The following KIAA1328 variants were observed in gnomAD, a reference collection of about 807,000 sequenced individuals.
The protein encoded by KIAA1328 is KIAA1328, also known as protein hinderin.
Under a neutral mutation model 68.1 loss-of-function variants are expected in KIAA1328, and 52 were observed. The ratio of observed to expected loss-of-function variants is 0.76; its 90% CI spans 0.61 to 0.96. The LOEUF (loss-of-function observed/expected upper bound fraction) is 0.96. KIAA1328 is among the 40% of genes least tolerant of loss of function. The probability of loss-of-function intolerance (pLI) is 0.00; values close to 1 mark genes in which losing one functional copy is unlikely to be tolerated. For missense variants in KIAA1328, 641 were observed against 677.6 expected (o/e 0.95, Z 0.60); for synonymous variants, 232 against 239.4 (o/e 0.97, Z 0.28).
chr18:37,151,753 C>T (rs918125876), intron 7 of KIAA1328, among the ~76,000 whole-genome samples: 1 of 152,200 alleles, frequency 6.6e-6, no homozygotes, highest in African/African-American at 2.4e-5. Context: ...TGATCCCTAC[C>T]TCACATCCTA....
intron 5 of KIAA1328, among the ~76,000 whole-genome samples, chr18:36,906,363 A>G (rs1445355437): frequency 1.3e-5 from 2 of 152,128 alleles, no homozygotes; most frequent in South Asian, 2.1e-4. Context: ...CTTCTCCCCA[A>G]GCCTCAGTCA....
At chr18:37,040,426 C>T (rs2055199804) in intron 6 of KIAA1328, among the ~76,000 whole-genome samples, 2 of 152,196 alleles carry the variant, frequency 1.3e-5, no homozygotes, top group Admixed American at 1.3e-4. Context: ...TTTATGGTCT[C>T]CTCTTTAATT....
At chr18:36,926,971 A>G (rs886582419) in intron 5 of KIAA1328, among the ~76,000 whole-genome samples, 29 of 152,334 alleles carry the variant, frequency 1.9e-4, no homozygotes, top group African/African-American at 6.5e-4. Flanking sequence ...AGCAACAGCG[A>G]CAATGGGGAG....
chr18:37,133,914 G>A (rs2058583543), intron 7 of KIAA1328, among the ~76,000 whole-genome samples: 1 of 151,912 alleles, frequency 6.6e-6, no homozygotes, highest in South Asian at 2.1e-4. Flanking sequence ...ATGCCATATT[G>A]TATTTTCCAA....
intron 7 of KIAA1328, among the ~76,000 whole-genome samples, chr18:37,102,629 A>G (rs886440081): frequency 6.6e-6 from 1 of 152,220 alleles, no homozygotes; most frequent in Admixed American, 6.5e-5. Context: ...TACCACACCA[A>G]ATGGGGAAAA....
At chr18:37,018,751 C>T (rs2054236499) in intron 6 of KIAA1328, among the ~76,000 whole-genome samples, 1 of 151,390 alleles carries the variant, frequency 6.6e-6, no homozygotes, top group Middle Eastern at 3.2e-3. Flanking sequence ...TTTGAAATTC[C>T]TTAAGTGAGT....
chr18:37,013,144 A>T (rs1434991986), intron 6 of KIAA1328, among the ~76,000 whole-genome samples: 4 of 152,154 alleles, frequency 2.6e-5, no homozygotes, highest in Admixed American at 6.6e-5. Context: ...TAGCACCTGG[A>T]TGGTCAGTCC....
At chr18:37,207,624 A>G (rs2060240491) in intron 9 of KIAA1328, among the ~76,000 whole-genome samples, 1 of 152,202 alleles carries the variant, frequency 6.6e-6, no homozygotes, top group Non-Finnish European at 1.5e-5. Context: ...ATGAGGGTCC[A>G]GAGTCCCTAA....
intron 6 of KIAA1328, among the ~76,000 whole-genome samples, chr18:37,048,302 G>A (rs1204180879): frequency 1.3e-5 from 2 of 152,164 alleles, no homozygotes; most frequent in Non-Finnish European, 2.9e-5. Context: ...CTAAAGCCCT[G>A]CTTGTCCCAG....
In KIAA1328 at chr18:36,855,974, A is replaced by AT. The variant is rs559500438; in HGVS notation, c.332+11682dup. Reference sequence around the variant, plus strand: ...AGATATTGGATTGTTAGTTAACAGGATTTTTTTTTTCTTTCAGGATTTAAA... The same window carrying AT: ...AGATATTGGATTGTTAGTTAACAGGATTTTTTTTTTTCTTTCAGGATTTAAA... On this transcript the variant is annotated intron_variant, in intron 4 of 9. Transcript: ENST00000280020. 6.0e-3 allele frequency among the ~76,000 whole-genome samples: 898 copies of AT among 149,008 alleles called. 11 individuals are homozygous for AT. Among genetic ancestry groups the AT allele is most frequent in the African/African-American group, 0.02 (823 of 40,702 alleles).
chr18:37,126,149 A>T (rs915272986), intron 7 of KIAA1328, among the ~76,000 whole-genome samples: 1 of 152,200 alleles, frequency 6.6e-6, no homozygotes, highest in Middle Eastern at 3.2e-3. Context: ...ATTGTATAAA[A>T]TTACCTTTAG....
At chr18:36,896,142 G>A (rs1390831666) in intron 5 of KIAA1328, among the ~76,000 whole-genome samples, 1 of 152,078 alleles carries the variant, frequency 6.6e-6, no homozygotes, top group East Asian at 1.9e-4. Context: ...TTTGTGGAGG[G>A]TAGTGTTTCT....
downstream of KIAA1328, among the ~76,000 whole-genome samples, chr18:37,229,352 G>C (rs1469761028): frequency 6.6e-6 from 1 of 152,094 alleles, no homozygotes; most frequent in Non-Finnish European, 1.5e-5. Context: ...CCATTATATG[G>C]GTTATTCTTG....
Position 37,134,590 on chromosome 18 carries a change from T to G in KIAA1328, c.1233-25610T>G, listed in dbSNP as rs537926531. Among the ~76,000 whole-genome samples the G allele has an allele frequency of 1.4e-3, 210 of 152,370 alleles. 1 individual carries two copies. The highest frequency in any genetic ancestry group is 2.4e-3 in the Admixed American group (36 of 15,310). On this transcript the variant is annotated intron_variant, in intron 7 of 9. Transcript: ENST00000280020. ...CTTCTGCATTCACTCTTCTGTGATG[T>G]CACATGTTGTGTACCTCCTGGAAAA...
At chr18:37,214,695 T>C (rs2060390734) in intron 9 of KIAA1328, among the ~76,000 whole-genome samples, 1 of 152,202 alleles carries the variant, frequency 6.6e-6, no homozygotes, top group Non-Finnish European at 1.5e-5. Flanking sequence ...AGAAAGTCAT[T>C]GGTAGCTTGA....
At chr18:37,219,171 C>T (rs2060506786) in intron 9 of KIAA1328, among the ~76,000 whole-genome samples, 1 of 152,182 alleles carries the variant, frequency 6.6e-6, no homozygotes, top group African/African-American at 2.4e-5. Context: ...TATTGCAGAA[C>T]TGCAATATTG....
intron 4 of KIAA1328, among the ~76,000 whole-genome samples, chr18:36,876,250 C>G (rs1031623885): frequency 6.6e-6 from 1 of 152,038 alleles, no homozygotes; most frequent in African/African-American, 2.4e-5. Flanking sequence ...GGTACCAGCT[C>G]CTCTTTGTAC....
intron 9 of KIAA1328, among the ~76,000 whole-genome samples, chr18:37,213,103 G>A (rs1472928530): frequency 6.6e-6 from 1 of 152,138 alleles, no homozygotes; most frequent in Admixed American, 6.6e-5. Context: ...ATAATTAAAA[G>A]CAACATCAGT....
intron 6 of KIAA1328, among the ~76,000 whole-genome samples, chr18:36,960,674 G>A (rs528937225): frequency 6.6e-6 from 1 of 152,330 alleles, no homozygotes; most frequent in East Asian, 1.9e-4. Context: ...GGCAAACAGG[G>A]TCTGGAGTGG....
Sources: gnomAD v4.1 joint callset for allele counts (sites outside exome capture counted in the v4.1 genomes callset) on GRCh38, gnomAD v4.1.1 for gene constraint, MANE v1.5 for transcripts, NCBI Gene and HGNC (gene_info 2026-07-23, HGNC 2026-07-21) for gene names.